Variants in RXFP1 observed in about 807,000 individuals in gnomAD.
RXFP1 encodes the protein relaxin receptor 1.
Under a neutral mutation model 89.8 loss-of-function variants are expected in RXFP1, and 73 were observed. The observed-to-expected ratio is 0.81, with a 90% CI of 0.67 to 0.99. The LOEUF is 0.99. RXFP1 is among the 50% of genes least tolerant of loss of function. The pLI is 0.00. For missense variants in RXFP1, 793 were observed against 895.5 expected (o/e 0.89, Z 1.46); for synonymous variants, 277 against 305.5 (o/e 0.91, Z 0.97).
intron 3 of RXFP1, among the ~76,000 whole-genome samples, chr4:158,595,426 T>G (rs1024759358): frequency 6.6e-6 from 1 of 152,226 alleles, no homozygotes; most frequent in Non-Finnish European, 1.5e-5. Context: ...TCCTATATAG[T>G]GCCTTCCTGG....
At chr4:158,544,152 C>T in intron 1 of RXFP1, 1 of 982,786 alleles carries the variant, frequency 1.0e-6, no homozygotes, top group Non-Finnish European at 1.2e-6. Flanking sequence ...AATCTAGAAC[C>T]ACTGTCTTCA....
At chr4:158,587,487 A>G (rs1758526277) in intron 2 of RXFP1, among the ~76,000 whole-genome samples, 1 of 152,240 alleles carries the variant, frequency 6.6e-6, no homozygotes, top group African/African-American at 2.4e-5. Context: ...TATAATTCAC[A>G]CAATACTGAT....
chr4:158,569,258 AAAG>A (rs1359063730), intron 1 of RXFP1, among the ~76,000 whole-genome samples: 1 of 152,244 alleles, frequency 6.6e-6, no homozygotes, highest in African/African-American at 2.4e-5. Context: ...CATTCTGGAA[AAAG>A]AAGAACTATG....
chr4:158,575,385 G>T lies in RXFP1; in HGVS notation c.187+2550G>T, dbSNP rs551797458. Among the ~76,000 whole-genome samples the T allele has an allele frequency of 7.9e-5, 12 of 152,196 alleles. No individual in the cohort carries two copies. The East Asian group carries it at 2.3e-3, about 29-fold the overall frequency. Reference sequence around the variant, plus strand: ...AATAATAAGAGTATCCATGTTCATGGGTTGTTAACAGGATTCCATGAGATA... The same window carrying T: ...AATAATAAGAGTATCCATGTTCATGTGTTGTTAACAGGATTCCATGAGATA... On this transcript the variant is annotated intron_variant, in intron 2 of 17. Coordinates refer to ENST00000307765, the MANE Select transcript of RXFP1 (RefSeq NM_021634.4).
At chr4:158,545,276 G>T (rs201916257) in intron 1 of RXFP1, among the ~76,000 whole-genome samples, 3 of 150,048 alleles carry the variant, frequency 2.0e-5, no homozygotes, top group Non-Finnish European at 3.0e-5. Context: ...CATATCCTTC[G>T]CCCACTTTTT....
intron 3 of RXFP1, among the ~76,000 whole-genome samples, chr4:158,597,651 T>C (rs1215075707): frequency 6.6e-6 from 1 of 152,204 alleles, no homozygotes; most frequent in East Asian, 1.9e-4. Flanking sequence ...CATTTTTCCC[T>C]ATTGCAGATA....
intron 17 of RXFP1, among the ~76,000 whole-genome samples, chr4:158,650,039 A>G (rs1408431634): frequency 6.6e-6 from 1 of 152,260 alleles, no homozygotes; most frequent in Non-Finnish European, 1.5e-5. Context: ...CATACGCACA[A>G]TGGATTAGTA....
At chr4:158,646,418 A>G in intron 15 of RXFP1, 2 of 1,122,968 alleles carry the variant, frequency 1.8e-6, no homozygotes, top group Non-Finnish European at 2.4e-6. Context: ...GAGCAGAACC[A>G]AGTAATGCCA....
intron 1 of RXFP1, chr4:158,543,642 T>C (rs2149841815): frequency 4.2e-6 from 2 of 477,350 alleles, no homozygotes; most frequent in Middle Eastern, 1.0e-3. Flanking sequence ...TCAGTATTTA[T>C]ATTTATTTAT....
At chr4:158,527,562 A>ATATATATATATATAT (rs1553989390) in intron 1 of RXFP1, among the ~76,000 whole-genome samples, 2 of 6,896 alleles carry the variant, frequency 2.9e-4, no homozygotes, top group African/African-American at 3.2e-4. Flanking sequence ...CAAAAAAAAA[A>ATATATATATATATAT]AAATATATAT....
chr4:158,555,838 T>C (rs999457706), intron 1 of RXFP1, among the ~76,000 whole-genome samples: 2 of 152,176 alleles, frequency 1.3e-5, no homozygotes, highest in Admixed American at 6.5e-5. Context: ...GAAAATACAG[T>C]CTTTTCAATA....
chr4:158,540,096 C>A (rs1472171896), intron 1 of RXFP1, among the ~76,000 whole-genome samples: 1 of 152,148 alleles, frequency 6.6e-6, no homozygotes, highest in Admixed American at 6.5e-5. Flanking sequence ...GGGTCCCGAT[C>A]TAGACCCCAA....
At chr4:158,542,605 C>G (rs1479913794) in intron 1 of RXFP1, among the ~76,000 whole-genome samples, 2 of 152,182 alleles carry the variant, frequency 1.3e-5, no homozygotes, top group East Asian at 3.9e-4. Context: ...CCTTGTTCCT[C>G]TAATTGTTGT....
rs191056189 is a variant in RXFP1 at position 158,584,009 on chromosome 4, G to A, written c.188-9392G>A. On this transcript the variant is annotated intron_variant, in intron 2 of 17. Coordinates refer to ENST00000307765, the MANE Select transcript of RXFP1 (RefSeq NM_021634.4). ...CTGCCTGGCCAGCCTGCATTCCAGC[G>A]TTTACTCTGGTGGCCTAGGGCACCT... Among the ~76,000 whole-genome samples, 32 of 152,296 alleles carry A rather than the reference G, an allele frequency of 2.1e-4. No individual in the cohort carries two copies. In the East Asian group the frequency reaches 3.5e-3, roughly 17 times the overall value.
intron 11 of RXFP1, among the ~76,000 whole-genome samples, chr4:158,629,596 A>G (rs1767621639): frequency 6.8e-6 from 1 of 146,588 alleles, no homozygotes; most frequent in Admixed American, 6.8e-5. Flanking sequence ...ATTTTTTTAT[A>G]TTTTAGTGTC....
chr4:158,570,550 T>A (rs947476622), intron 1 of RXFP1, among the ~76,000 whole-genome samples: 1 of 152,106 alleles, frequency 6.6e-6, no homozygotes, highest in African/African-American at 2.4e-5. Context: ...CTAAATTACA[T>A]GTCAAATATG....
chr4:158,631,160 T>C (rs1029745615), intron 11 of RXFP1, among the ~76,000 whole-genome samples: 4 of 152,200 alleles, frequency 2.6e-5, no homozygotes, highest in African/African-American at 7.2e-5. Flanking sequence ...TCTGCCAGGA[T>C]TTGCTCTGAT....
chr4:158,553,559 A>G (rs1347543569), intron 1 of RXFP1, among the ~76,000 whole-genome samples: 2 of 152,126 alleles, frequency 1.3e-5, no homozygotes, highest in Non-Finnish European at 2.9e-5. Context: ...GGAGAGATGC[A>G]CTGTGGGGAT....
rs956601500 is a variant in RXFP1, at chr4:158,638,052, T to C, written c.1016T>C (p.Phe339Ser). Residue 339 changes from phenylalanine (F) to serine (S), a missense_variant, in exon 13 of 18, where the codon TTT (phenylalanine) becomes TCT (serine). Coordinates refer to ENST00000307765, the MANE Select transcript of RXFP1 (RefSeq NM_021634.4). Reference sequence around the variant, plus strand: ...ATCCAGAAAATTCAAGCAAACCAATTTGATTATCTTGTCAAACTCAAGTCT... The same window carrying C: ...ATCCAGAAAATTCAAGCAAACCAATCTGATTATCTTGTCAAACTCAAGTCT... ...NPIQKIQANQ[F>S]DYLVKLKSLS... 8.7e-6 allele frequency: 14 copies of C among 1,603,610 alleles called. No individual in the cohort carries two copies. The highest frequency in any genetic ancestry group is 1.2e-5 in the Non-Finnish European group (14 of 1,171,566).
Sources: allele counts gnomAD v4.1 joint callset (sites outside exome capture counted in the v4.1 genomes callset), GRCh38; gene constraint gnomAD v4.1.1; transcripts MANE v1.5; gene names NCBI Gene and HGNC (gene_info 2026-07-23, HGNC 2026-07-21).